Variants in ERP44 observed in about 807,000 individuals in gnomAD.
ERP44 encodes the protein endoplasmic reticulum resident protein 44.
Under a neutral mutation model 53.4 loss-of-function variants are expected in ERP44, and 25 were observed. The observed-to-expected ratio is 0.47, with a 90% CI of 0.34 to 0.65. The LOEUF (loss-of-function observed/expected upper bound fraction) is 0.65. ERP44 is among the 30% of genes least tolerant of loss of function. The pLI is 0.01. For missense variants in ERP44, 338 were observed against 493.2 expected (o/e 0.69, Z 2.98); for synonymous variants, 145 against 161.2 (o/e 0.90, Z 0.76).
At chr9:100,049,074 T>C (rs2118702369) in intron 4 of ERP44, among the ~76,000 whole-genome samples, 1 of 152,244 alleles carries the variant, frequency 6.6e-6, no homozygotes, top group African/African-American at 2.4e-5. Flanking sequence ...GCAAATTACA[T>C]ATGTGAAAAA....
chr9:100,075,925 C>T (rs1445138030), intron 1 of ERP44, among the ~76,000 whole-genome samples: 2 of 152,110 alleles, frequency 1.3e-5, no homozygotes, highest in African/African-American at 2.4e-5. Flanking sequence ...GCCACTTGGG[C>T]CATATAACCC....
chr9:99,991,112 T>C (rs1409848315), intron 10 of ERP44, among the ~76,000 whole-genome samples: 1 of 151,988 alleles, frequency 6.6e-6, no homozygotes, highest in Non-Finnish European at 1.5e-5. Context: ...ATCAATGAGA[T>C]ACAAGGTTAA....
At chr9:100,058,270 T>G (rs150487467) in intron 2 of ERP44, among the ~76,000 whole-genome samples, 276 of 152,274 alleles carry the variant, frequency 1.8e-3, no homozygotes, top group Middle Eastern at 3.4e-3. Flanking sequence ...AGAGACAGGA[T>G]CTGGTTATAT....
intron 4 of ERP44, among the ~76,000 whole-genome samples, chr9:100,052,073 ATAC>A (rs984244365): frequency 6.6e-6 from 1 of 152,130 alleles, no homozygotes; most frequent in Admixed American, 6.5e-5. Flanking sequence ...TTTTCTTCTA[ATAC>A]TACATTTCAA....
At chr9:100,064,621 C>G (rs536304311) in intron 1 of ERP44, among the ~76,000 whole-genome samples, 1 of 152,128 alleles carries the variant, frequency 6.6e-6, no homozygotes, top group Non-Finnish European at 1.5e-5. Flanking sequence ...TTCTTTGGTA[C>G]GATTTCCAGG....
chr9:100,035,614 G>A (rs1460923176), intron 4 of ERP44, among the ~76,000 whole-genome samples: 1 of 152,132 alleles, frequency 6.6e-6, no homozygotes, highest in Non-Finnish European at 1.5e-5. Flanking sequence ...GGCAGAGGCT[G>A]CAGTGAGCCA....
intron 6 of ERP44, among the ~76,000 whole-genome samples, chr9:100,020,245 C>T (rs111749199): frequency 4.2e-4 from 64 of 152,072 alleles, no homozygotes; most frequent in Middle Eastern, 3.2e-3. Context: ...TGAATGAAGA[C>T]GATAAAACTC....
At chr9:100,090,886 CTTT>C (rs560673003) in intron 1 of ERP44, among the ~76,000 whole-genome samples, 4 of 152,144 alleles carry the variant, frequency 2.6e-5, no homozygotes, top group Non-Finnish European at 4.4e-5. Context: ...CTAATGACCT[CTTT>C]TTTATTTTTA....
rs577635098 is a variant in ERP44, at chr9:100,037,124, C to T, written c.287-14898G>A. The stretch of plus-strand genomic sequence containing the variant: ...CTGTCTTGAATCACCAACACCACCC[C>T]TCACTCATCCCCTGGCAGCAGCTGC... On this transcript the variant is annotated intron_variant, in intron 4 of 11. Transcript: ENST00000262455. Among the ~76,000 whole-genome samples the T allele has an allele frequency of 1.3e-4, 20 of 152,276 alleles. No individual in the cohort carries two copies. The South Asian group carries it at 3.5e-3, about 27-fold the overall frequency.
At chr9:99,993,838 G>A (rs1830281817) in intron 10 of ERP44, among the ~76,000 whole-genome samples, 1 of 152,082 alleles carries the variant, frequency 6.6e-6, no homozygotes, top group Admixed American at 6.5e-5. Context: ...TCAAAAAGTG[G>A]GCAAAGGATA....
At position 100,006,620 on chromosome 9, in the gene ERP44, C is replaced by T; in HGVS notation, c.902G>A (p.Cys301Tyr). ...CAGAAGAGGATGTCTAAATTTGTCACAATCGGCATGTAAAAAGTTTATTGT... is the reference window on the plus strand; with the variant it reads ...CAGAAGAGGATGTCTAAATTTGTCATAATCGGCATGTAAAAAGTTTATTGT... ...KGTINFLHADCDKFRHPLLHI... is the reference protein window; with the variant it reads ...KGTINFLHADYDKFRHPLLHI... The change falls in exon 10 of 12, where the codon TGT (cysteine) becomes TAT (tyrosine). Residue 301 changes from cysteine to tyrosine, a missense_variant. By Grantham distance (194) the Cys-to-Tyr change is radical. Coordinates refer to ENST00000262455, the MANE Select transcript of ERP44 (RefSeq NM_015051.3). 1 of 1,598,284 alleles carries T rather than the reference C, an allele frequency of 6.3e-7. No individual in the cohort carries two copies. The highest frequency in any genetic ancestry group is 8.5e-7 in the Non-Finnish European group (1 of 1,174,444).
chr9:100,032,777 C>T (rs1825806007), intron 4 of ERP44, among the ~76,000 whole-genome samples: 1 of 152,136 alleles, frequency 6.6e-6, no homozygotes, highest in South Asian at 2.1e-4. Flanking sequence ...GTTTTATAAT[C>T]AACTCTAGAA....
intron 1 of ERP44, among the ~76,000 whole-genome samples, chr9:100,067,338 G>C (rs559320956): frequency 6.6e-6 from 1 of 151,858 alleles, no homozygotes; most frequent in East Asian, 1.9e-4. Context: ...CTGCAGGCGC[G>C]CGCCGCCGCG....
intron 1 of ERP44, among the ~76,000 whole-genome samples, chr9:100,096,720 A>C (rs1208900743): frequency 6.6e-6 from 1 of 152,196 alleles, no homozygotes; most frequent in African/African-American, 2.4e-5. Flanking sequence ...TGATGACCTC[A>C]GCTAAATGGG....
chr9:99,997,732 A>T (rs1442152795), intron 10 of ERP44, among the ~76,000 whole-genome samples: 1 of 152,174 alleles, frequency 6.6e-6, no homozygotes, highest in Non-Finnish European at 1.5e-5. Context: ...TTGAAAGGGC[A>T]ATAGTTGAAG....
chr9:99,988,870 G>A (rs1830223085), intron 10 of ERP44, among the ~76,000 whole-genome samples: 1 of 152,244 alleles, frequency 6.6e-6, no homozygotes, highest in Non-Finnish European at 1.5e-5. Flanking sequence ...CGGCACACCA[G>A]GAGATTATAT....
At chr9:100,027,074 G>T (rs1286725746) in intron 4 of ERP44, among the ~76,000 whole-genome samples, 1 of 152,136 alleles carries the variant, frequency 6.6e-6, no homozygotes, top group Non-Finnish European at 1.5e-5. Context: ...AGGGTCTTAA[G>T]CACTAAGCTG....
rs1168903331 is a variant in ERP44, at chr9:100,043,291, A to AAAAAAAAAAAAAAAAAAAAAAAAAAAG, written c.286+9125_286+9126insCTTTTTTTTTTTTTTTTTTTTTTTTTT. ...AAAAAAAAAAAAAAAAAAAAAAAAA[A>AAAAAAAAAAAAAAAAAAAAAAAAAAAG]GATAAATAAGACATAGTATTTGCTA... is the stretch of plus-strand genomic sequence containing the variant. On this transcript the variant is annotated intron_variant, in intron 4 of 11. Coordinates refer to ENST00000262455, the MANE Select transcript of ERP44 (RefSeq NM_015051.3). 2.4e-4 allele frequency among the ~76,000 whole-genome samples: 18 copies of AAAAAAAAAAAAAAAAAAAAAAAAAAAG among 74,928 alleles called. 6 individuals are homozygous for AAAAAAAAAAAAAAAAAAAAAAAAAAAG. Among genetic ancestry groups the AAAAAAAAAAAAAAAAAAAAAAAAAAAG allele is most frequent in the African/African-American group, 6.4e-4 (11 of 17,162 alleles). 49.2% of individuals were successfully genotyped at this position (74,928 alleles called of 152,430 possible). A position where few individuals can be genotyped will look rare whatever the true frequency, so the allele number is the denominator to read the frequency against.
At position 100,067,477 on chromosome 9, in the gene ERP44, T is replaced by TC. The variant is rs1826227450; in HGVS notation, c.58-7306dup. Among the ~76,000 whole-genome samples, 3 of 152,112 alleles carry TC rather than the reference T, an allele frequency of 2.0e-5. No individual in the cohort carries two copies. The South Asian group carries it at 6.2e-4, about 32-fold the overall frequency. ...CGAGGTGCCGGGATTGCAGACGGAGTCTGGTTCACTCAGTGCTCAATGGTG... is the reference window on the plus strand; with the variant it reads ...CGAGGTGCCGGGATTGCAGACGGAGTCCTGGTTCACTCAGTGCTCAATGGTG... On this transcript the variant is annotated intron_variant, in intron 1 of 11. Transcript: ENST00000262455.
Sources: gnomAD v4.1 joint callset for allele counts (sites outside exome capture counted in the v4.1 genomes callset) on GRCh38, gnomAD v4.1.1 for gene constraint, MANE v1.5 for transcripts, NCBI Gene and HGNC (gene_info 2026-07-23, HGNC 2026-07-21) for gene names.